The following LMNTD1 variants were observed in gnomAD, a reference collection of about 807,000 sequenced individuals.
LMNTD1 encodes the protein lamin tail domain-containing protein 1.
LMNTD1 carries 35 observed loss-of-function variants against 50.9 expected under a neutral mutation model. The ratio of observed to expected loss-of-function variants is 0.69; its 90% CI spans 0.53 to 0.91. LMNTD1 has a LOEUF of 0.91. LMNTD1 is among the 40% of genes least tolerant of loss of function. The probability of loss-of-function intolerance (pLI) is 0.00; values close to 1 mark genes in which losing one functional copy is unlikely to be tolerated. For synonymous variants in LMNTD1, 153 were observed against 161.9 expected (o/e 0.94, Z 0.42); for missense variants, 470 against 475.5 (o/e 0.99, Z 0.11).
At chr12:25,481,517 C>T (rs1295808993) in intron 9 of LMNTD1, among the ~76,000 whole-genome samples, 1 of 151,948 alleles carries the variant, frequency 6.6e-6, no homozygotes, top group Admixed American at 6.5e-5. Context: ...ATTTGATACA[C>T]GTGTCTGACG....
intron 1 of LMNTD1, among the ~76,000 whole-genome samples, chr12:25,561,935 T>A (rs1025209179): frequency 6.6e-6 from 1 of 152,176 alleles, no homozygotes; most frequent in Non-Finnish European, 1.5e-5. Context: ...TAAAGTCTGT[T>A]TCATCAGAGA....
At chr12:25,631,287 A>G (rs767856241) in intron 1 of LMNTD1, among the ~76,000 whole-genome samples, 1 of 152,142 alleles carries the variant, frequency 6.6e-6, no homozygotes, top group Non-Finnish European at 1.5e-5. Flanking sequence ...TCTGCACGCT[A>G]CCACAGCTGA....
intron 1 of LMNTD1, among the ~76,000 whole-genome samples, chr12:25,571,484 C>G (rs2136357197): frequency 6.6e-6 from 1 of 151,120 alleles, no homozygotes; most frequent in East Asian, 2.0e-4. Flanking sequence ...CTGCCTTAGC[C>G]TCATGAGTAG....
exon 1 of LMNTD1, chr12:25,648,501 G>A (rs1285143222): frequency 1.3e-6 from 2 of 1,551,442 alleles, no homozygotes. Flanking sequence ...TACTGTGGTG[G>A]GTCTGGACTC....
intron 1 of LMNTD1, among the ~76,000 whole-genome samples, chr12:25,573,955 T>C (rs2136372827): frequency 6.6e-6 from 1 of 152,308 alleles, no homozygotes; most frequent in East Asian, 1.9e-4. Flanking sequence ...AGAACTTTTA[T>C]AAACCTACCA....
intron 4 of LMNTD1, among the ~76,000 whole-genome samples, chr12:25,537,364 A>G (rs1414307739): frequency 6.6e-6 from 1 of 152,222 alleles, no homozygotes; most frequent in Non-Finnish European, 1.5e-5. Context: ...CCCAGTACGC[A>G]GCTGGAGATC....
intron 6 of LMNTD1, among the ~76,000 whole-genome samples, chr12:25,523,862 G>A (rs1429791337): frequency 5.9e-5 from 9 of 151,768 alleles, no homozygotes; most frequent in African/African-American, 4.8e-5. Flanking sequence ...TGAAGGGCAG[G>A]TAGGATTTAA....
At chr12:25,513,825 C>A (rs1940519092) in intron 8 of LMNTD1, among the ~76,000 whole-genome samples, 1 of 151,990 alleles carries the variant, frequency 6.6e-6, no homozygotes, top group Admixed American at 6.6e-5. Flanking sequence ...AATAACAAAT[C>A]AATACACCTG....
chr12:25,611,153 A>G (rs1461263317), intron 1 of LMNTD1, among the ~76,000 whole-genome samples: 2 of 152,312 alleles, frequency 1.3e-5, no homozygotes, highest in African/African-American at 4.8e-5. Context: ...AGAGGACAAA[A>G]ATTGTAGCAA....
At chr12:25,484,557 GGTTA>G (rs1191347276) in intron 9 of LMNTD1, among the ~76,000 whole-genome samples, 1 of 151,434 alleles carries the variant, frequency 6.6e-6, no homozygotes, top group Non-Finnish European at 1.5e-5. Flanking sequence ...ACATTGTGCA[GGTTA>G]GTTACATATG....
chr12:25,601,901 T>C (rs1945987104), intron 1 of LMNTD1, among the ~76,000 whole-genome samples: 1 of 151,960 alleles, frequency 6.6e-6, no homozygotes, highest in South Asian at 2.1e-4. Flanking sequence ...ATCCATCACC[T>C]TAAACATTTA....
chr12:25,477,068 C>T (rs10842567), intron 9 of LMNTD1, among the ~76,000 whole-genome samples: 32,414 of 152,024 alleles, frequency 0.21, 4,146 homozygotes, highest in Non-Finnish European at 0.3. Flanking sequence ...ATGGGCCTCA[C>T]GGAATCCATT....
chr12:25,634,616 G>A (rs896729278), intron 1 of LMNTD1, among the ~76,000 whole-genome samples: 2 of 151,518 alleles, frequency 1.3e-5, no homozygotes, highest in Admixed American at 6.6e-5. Flanking sequence ...AAAAGCATTC[G>A]ACAAAACTCT....
intron 1 of LMNTD1, among the ~76,000 whole-genome samples, chr12:25,606,488 T>C (rs569229846): frequency 1.3e-5 from 2 of 152,340 alleles, no homozygotes; most frequent in African/African-American, 4.8e-5. Context: ...TAGCACTTAT[T>C]ATTTTGAGAT....
intron 1 of LMNTD1, among the ~76,000 whole-genome samples, chr12:25,626,785 A>G (rs1048305269): frequency 2.6e-4 from 40 of 152,206 alleles, no homozygotes; most frequent in Admixed American, 2.0e-4. Flanking sequence ...GAATAAACAT[A>G]AAGATTGCTC....
intron 6 of LMNTD1, among the ~76,000 whole-genome samples, chr12:25,525,693 T>TA (rs549370445): frequency 6.6e-4 from 100 of 151,200 alleles, no homozygotes; most frequent in Middle Eastern, 3.4e-3. Flanking sequence ...GCTTTAAGGA[T>TA]AAAAAAAAAT....
chr12:25,493,087 A>G (rs1305141590), intron 9 of LMNTD1, among the ~76,000 whole-genome samples: 1 of 152,184 alleles, frequency 6.6e-6, no homozygotes, highest in Admixed American at 6.5e-5. Context: ...TTGTTCTTCA[A>G]AGAACCCTCA....
At chr12:25,511,606 A>G (rs1314386672) in intron 8 of LMNTD1, among the ~76,000 whole-genome samples, 1 of 152,220 alleles carries the variant, frequency 6.6e-6, no homozygotes, top group African/African-American at 2.4e-5. Flanking sequence ...CATTGCTTTT[A>G]AAATTCTCTT....
At chr12:25,530,431 C>A (rs1165172558) in intron 4 of LMNTD1, among the ~76,000 whole-genome samples, 1 of 152,036 alleles carries the variant, frequency 6.6e-6, no homozygotes, top group African/African-American at 2.4e-5. Flanking sequence ...CAATAATTTG[C>A]TTTGAACAGC....
Sources: gnomAD v4.1 joint callset for allele counts (sites outside exome capture counted in the v4.1 genomes callset) on GRCh38, gnomAD v4.1.1 for gene constraint, MANE v1.5 for transcripts, NCBI Gene and HGNC (gene_info 2026-07-23, HGNC 2026-07-21) for gene names.